Variants in ELMOD1 observed in about 807,000 individuals in gnomAD.
The protein encoded by ELMOD1 is ELMO domain containing 1.
Under a neutral mutation model 46.7 loss-of-function variants are expected in ELMOD1, and 21 were observed. The observed-to-expected ratio is 0.45, with a 90% CI of 0.32 to 0.65. The LOEUF (loss-of-function observed/expected upper bound fraction) is 0.65, where lower values mean the gene tolerates loss of function less well. Ranked by LOEUF, ELMOD1 falls within the 30% of genes least tolerant of loss-of-function variation. The pLI is 0.04. For synonymous variants in ELMOD1, 122 were observed against 138.2 expected, an observed-to-expected ratio of 0.88 and a Z score of 0.82; for missense variants, 348 against 407.8, an observed-to-expected ratio of 0.85 and a Z score of 1.26.
At chr11:107,650,191 T>C (rs1038627691) in intron 7 of ELMOD1, 144 bp from the exon 8 acceptor site, 1 of 550,938 alleles carries the variant, frequency 1.8e-6, no homozygotes, top group African/African-American at 1.9e-5. Context: ...AAAAGCTGTT[T>C]GTTCCCTGGA....
intron 11 of ELMOD1, among the ~76,000 whole-genome samples, chr11:107,661,112 C>A (rs664390): frequency 0.78 from 118,811 of 152,132 alleles, 47,336 homozygotes; most frequent in African/African-American, 0.94. Context: ...ACAGTCTTTA[C>A]TTATTTTCCT....
intron 2 of ELMOD1, among the ~76,000 whole-genome samples, chr11:107,626,104 G>C (rs938582910): frequency 6.6e-6 from 1 of 152,154 alleles, no homozygotes; most frequent in Non-Finnish European, 1.5e-5. Flanking sequence ...ATTTTTAGTA[G>C]TGAGTCAAGA....
rs1042554279 is a variant in ELMOD1 at position 107,629,001 on chromosome 11, T to G, written c.18-1416T>G. Among the ~76,000 whole-genome samples, 9 of 152,346 alleles carry G rather than the reference T, an allele frequency of 5.9e-5. No individual in the cohort carries two copies. In the South Asian group the frequency reaches 1.4e-3, roughly 25 times the overall value. ...CTTGATAAACATATCATGGATATTT[T>G]CATGTTATTAGATATTCTAGGACAT... On this transcript the variant is annotated intron_variant, in intron 2 of 11. Transcript: ENST00000265840.
rs149041453 is a variant in ELMOD1 at position 107,603,255 on chromosome 11, C to G, written c.-86+11846C>G. 5.0e-3 allele frequency among the ~76,000 whole-genome samples: 764 copies of G among 152,284 alleles called. 5 individuals carry two copies. Among genetic ancestry groups the G allele is most frequent in the Middle Eastern group, 6.8e-3 (2 of 294 alleles). The stretch of plus-strand genomic sequence containing the variant: ...AACTACTCCTATGAAAACTTTCAAC[C>G]AGGCTGGGCACAGTGGCTCACGCCT... On this transcript the variant is annotated intron_variant, in intron 1 of 11. Transcript: ENST00000265840.
At chr11:107,618,567 T>C (rs1865898120) in intron 2 of ELMOD1, among the ~76,000 whole-genome samples, 1 of 152,244 alleles carries the variant, frequency 6.6e-6, no homozygotes, top group Non-Finnish European at 1.5e-5. Flanking sequence ...AATCATTTTC[T>C]GGAAATAAGT....
At chr11:107,623,522 T>C (rs1480070862) in intron 2 of ELMOD1, 2 of 152,236 alleles carry the variant, frequency 1.3e-5, no homozygotes, top group Non-Finnish European at 2.9e-5. Context: ...CATTTACTCA[T>C]TGGAATTTTC....
chr11:107,632,560 C>T (rs1343520399), intron 5 of ELMOD1, among the ~76,000 whole-genome samples: 1 of 152,100 alleles, frequency 6.6e-6, no homozygotes, highest in Non-Finnish European at 1.5e-5. Flanking sequence ...GTCTCTATAG[C>T]GTTCTTTAGC....
Position 107,665,059 on chromosome 11 carries a change from C to A in ELMOD1, c.867C>A (p.Ile289=). The change falls in exon 12 of 12, where the codon ATC becomes ATA. Residue 289 remains isoleucine, a synonymous_variant. Transcript: ENST00000265840. ...TGCATGAATTTCATAAGTTTTGGAT[C>A]GAAGAGGACCCCATGGACATAATGG... ...YLMHEFHKFW[I]EEDPMDIMEF... 6.2e-7 allele frequency: 1 copy of A among 1,613,402 alleles called. No homozygotes were observed. Among genetic ancestry groups the A allele is most frequent in the Non-Finnish European group, 8.5e-7 (1 of 1,179,678 alleles).
At chr11:107,606,138 A>G (rs1473422120) in intron 1 of ELMOD1, among the ~76,000 whole-genome samples, 2 of 152,126 alleles carry the variant, frequency 1.3e-5, no homozygotes, top group Non-Finnish European at 2.9e-5. Flanking sequence ...GAAATCCATG[A>G]GTCCCTCACC....
intron 5 of ELMOD1, among the ~76,000 whole-genome samples, chr11:107,633,010 A>G (rs1462062539): frequency 6.6e-6 from 1 of 152,238 alleles, no homozygotes; most frequent in Non-Finnish European, 1.5e-5. Context: ...TGCATCTATT[A>G]TTAAAAATGT....
intron 7 of ELMOD1, among the ~76,000 whole-genome samples, chr11:107,649,616 G>A (rs974645117): frequency 2.0e-5 from 3 of 152,178 alleles, no homozygotes; most frequent in Admixed American, 1.3e-4. Context: ...CTGTGAATAT[G>A]TGCATTACAA....
In ELMOD1 at chr11:107,635,782, A is replaced by G. The variant is rs79251702; in HGVS notation, c.420+17A>G. 5.3e-4 allele frequency: 858 copies of G among 1,606,554 alleles called. 7 individuals carry two copies. The East Asian group carries it at 0.016, about 29-fold the overall frequency. ...CTTTTGAAGGTTAGTGCTTGAACAC[A>G]TTTCGGTTCTTCCTCTAAGTCAGCT... is the stretch of plus-strand genomic sequence containing the variant. On this transcript the variant is annotated intron_variant, in intron 6 of 11. Transcript: ENST00000265840.
intron 9 of ELMOD1, chr11:107,653,611 C>G (rs1013192269): frequency 4.7e-5 from 7 of 150,320 alleles, no homozygotes; most frequent in Non-Finnish European, 8.9e-5. Flanking sequence ...CTCCCCGCCT[C>G]TCCTCCCTCT....
At chr11:107,618,739 GTGCTGGACAGAGTA>G (rs751312184) in intron 2 of ELMOD1, among the ~76,000 whole-genome samples, 11 of 152,146 alleles carry the variant, frequency 7.2e-5, no homozygotes, top group Non-Finnish European at 1.5e-4. Flanking sequence ...CCTGAAGATT[GTGCTGGACAGAGTA>G]TGCCATAAAT....
chr11:107,603,889 A>AT (rs1313834787), intron 1 of ELMOD1, among the ~76,000 whole-genome samples: 1 of 150,840 alleles, frequency 6.6e-6, no homozygotes, highest in East Asian at 1.9e-4. Context: ...AAAAAAAAAA[A>AT]GGAATTAAAG....
chr11:107,607,684 C>A (rs986151247), intron 1 of ELMOD1, among the ~76,000 whole-genome samples: 5 of 150,332 alleles, frequency 3.3e-5, no homozygotes, highest in African/African-American at 1.2e-4. Context: ...AACAAACAAA[C>A]AAGATATAGG....
intron 6 of ELMOD1, among the ~76,000 whole-genome samples, chr11:107,637,541 A>C (rs575094418): frequency 6.6e-6 from 1 of 152,064 alleles, no homozygotes; most frequent in South Asian, 2.1e-4. Flanking sequence ...AAAAATACAA[A>C]AATTAGCCAG....
intron 7 of ELMOD1, among the ~76,000 whole-genome samples, chr11:107,650,121 A>AATCT (rs1866499312): frequency 1.3e-5 from 2 of 152,300 alleles, no homozygotes; most frequent in South Asian, 4.1e-4. Flanking sequence ...TACATTCCTA[A>AATCT]ATCTATGTGT....
chr11:107,661,451 T>C (rs909941933), intron 11 of ELMOD1, among the ~76,000 whole-genome samples: 3 of 152,218 alleles, frequency 2.0e-5, no homozygotes, highest in African/African-American at 7.2e-5. Flanking sequence ...CTGTTTATCA[T>C]TGTCAACAGG....
Sources: gnomAD v4.1 joint callset for allele counts (sites outside exome capture counted in the v4.1 genomes callset) on GRCh38, gnomAD v4.1.1 for gene constraint, MANE v1.5 for transcripts, NCBI Gene and HGNC (gene_info 2026-07-23, HGNC 2026-07-21) for gene names.